Variants in TBC1D19 observed in about 807,000 individuals in gnomAD.
The protein encoded by TBC1D19 is TBC1 domain family member 19, also known as TBC1 domain family, member 19.
A neutral mutation model predicts 89.0 loss-of-function variants in TBC1D19; 60 were observed. The ratio of observed to expected loss-of-function variants is 0.67; its 90% CI spans 0.55 to 0.84. TBC1D19 has a LOEUF of 0.84. Among genes scored for constraint, TBC1D19 ranks in the 40% least tolerant of loss-of-function variants. The probability of loss-of-function intolerance (pLI) is 0.00; values close to 1 mark genes in which losing one functional copy is unlikely to be tolerated. For synonymous variants in TBC1D19, 189 were observed against 199.7 expected, an observed-to-expected ratio of 0.95 and a Z score of 0.45; for missense variants, 500 against 610.8, an observed-to-expected ratio of 0.82 and a Z score of 1.91.
intron 15 of TBC1D19, among the ~76,000 whole-genome samples, chr4:26,729,084 A>C (rs1717500876): frequency 6.6e-6 from 1 of 152,232 alleles, no homozygotes. Flanking sequence ...TTCAAGTCTC[A>C]CAATTTTTTT....
chr4:26,714,939 T>G (rs1459415911), intron 13 of TBC1D19, among the ~76,000 whole-genome samples: 1 of 151,936 alleles, frequency 6.6e-6, no homozygotes, highest in African/African-American at 2.4e-5. Flanking sequence ...GCTGGTTCCT[T>G]CTCTTTTCTC....
chr4:26,816,714 A>G, the TBC1D19 span, among the ~76,000 whole-genome samples: 1 of 152,204 alleles, frequency 6.6e-6, no homozygotes, highest in Admixed American at 6.5e-5. Context: ...GTGCAAAAAT[A>G]GCTGCAGTTT....
the TBC1D19 span, among the ~76,000 whole-genome samples, chr4:26,807,583 T>C: frequency 1.2e-4 from 19 of 152,314 alleles, no homozygotes; most frequent in African/African-American, 4.6e-4. Context: ...TATTTCCTAC[T>C]AGAACCGCCC....
chr4:26,768,801 A>G, the TBC1D19 span, among the ~76,000 whole-genome samples: 2 of 152,092 alleles, frequency 1.3e-5, no homozygotes, highest in East Asian at 3.8e-4. Flanking sequence ...TAAAAATAAA[A>G]TAATAAAAAG....
chr4:26,748,190 A>G (rs1422365436), intron 18 of TBC1D19, among the ~76,000 whole-genome samples: 1 of 152,230 alleles, frequency 6.6e-6, no homozygotes, highest in African/African-American at 2.4e-5. Flanking sequence ...AGGAGGACCC[A>G]GCATGTGTAA....
chr4:26,718,685 G>A (rs1321703636), intron 14 of TBC1D19, among the ~76,000 whole-genome samples: 1 of 152,056 alleles, frequency 6.6e-6, no homozygotes, highest in African/African-American at 2.4e-5. Context: ...CCTACCCTAG[G>A]AGAGGCCACA....
intron 13 of TBC1D19, among the ~76,000 whole-genome samples, chr4:26,697,643 C>G (rs1173948709): frequency 6.6e-6 from 1 of 152,174 alleles, no homozygotes; most frequent in East Asian, 1.9e-4. Context: ...TCCAGCAGCA[C>G]ATCAAAAAGT....
intron 11 of TBC1D19, among the ~76,000 whole-genome samples, chr4:26,676,167 T>TA (rs969299754): frequency 6.6e-6 from 1 of 152,204 alleles, no homozygotes; most frequent in African/African-American, 2.4e-5. Flanking sequence ...GGAAGGTTCT[T>TA]ACAACCTTAC....
At chr4:26,843,887 G>A in the TBC1D19 span, among the ~76,000 whole-genome samples, 5 of 152,150 alleles carry the variant, frequency 3.3e-5, no homozygotes, top group Non-Finnish European at 5.9e-5. Flanking sequence ...GAGGGAGCAA[G>A]AGAAAGAGAG....
At chr4:26,740,054 T>G (rs1718266786) in intron 17 of TBC1D19, 81 bp downstream of exon 17, 1 of 891,122 alleles carries the variant, frequency 1.1e-6, no homozygotes, top group Non-Finnish European at 1.6e-6. Flanking sequence ...AGTCTTCTAC[T>G]CAAATTCTAA....
chr4:26,760,408 C>CA (rs1229403207), downstream of TBC1D19, among the ~76,000 whole-genome samples: 1 of 151,650 alleles, frequency 6.6e-6, no homozygotes, highest in African/African-American at 2.4e-5. Context: ...ACAAAAAATA[C>CA]AAAAAAAATT....
intron 19 of TBC1D19, among the ~76,000 whole-genome samples, chr4:26,749,926 C>T (rs1259088860): frequency 6.6e-6 from 1 of 152,082 alleles, no homozygotes; most frequent in African/African-American, 2.4e-5. Flanking sequence ...AAATAATGGT[C>T]TGCCCTCATT....
intron 13 of TBC1D19, among the ~76,000 whole-genome samples, chr4:26,695,157 C>T (rs576706355): frequency 7.9e-5 from 12 of 152,150 alleles, no homozygotes; most frequent in African/African-American, 2.2e-4. Flanking sequence ...TAGAGAAGTA[C>T]GTAAGTGACC....
chr4:26,581,901 T>C (rs1352627965), upstream of TBC1D19, among the ~76,000 whole-genome samples: 1 of 152,114 alleles, frequency 6.6e-6, no homozygotes, highest in Non-Finnish European at 1.5e-5. Flanking sequence ...GACCATTCTG[T>C]AATTAAATTA....
At chr4:26,580,506 T>C (rs1179981175), upstream of TBC1D19, among the ~76,000 whole-genome samples, 2 of 152,162 alleles carry the variant, frequency 1.3e-5, no homozygotes, top group African/African-American at 4.8e-5. Context: ...TGCCAACAAA[T>C]GGGGCTAACT....
intron 4 of TBC1D19, among the ~76,000 whole-genome samples, chr4:26,626,320 C>T (rs932817418): frequency 8.5e-5 from 13 of 152,086 alleles, no homozygotes; most frequent in African/African-American, 1.2e-4. Context: ...TACTTTGCTA[C>T]GCCCTTCAGT....
intron 3 of TBC1D19, among the ~76,000 whole-genome samples, chr4:26,614,936 C>G (rs1367098845): frequency 6.6e-6 from 1 of 152,128 alleles, no homozygotes; most frequent in Non-Finnish European, 1.5e-5. Flanking sequence ...CATTGGCCCC[C>G]CAAAGTGCTG....
chr4:26,594,835 C>T (rs1304980645), intron 1 of TBC1D19, among the ~76,000 whole-genome samples: 2 of 152,232 alleles, frequency 1.3e-5, no homozygotes, highest in Non-Finnish European at 2.9e-5. Flanking sequence ...GCTACAACTG[C>T]ACTCCAGCCT....
At chr4:26,644,812 C>T (rs1221945736) in intron 7 of TBC1D19, among the ~76,000 whole-genome samples, 5 of 152,158 alleles carry the variant, frequency 3.3e-5, no homozygotes, top group Non-Finnish European at 7.4e-5. Context: ...TGAGTGAACT[C>T]CCATTTACAA....
Sources: allele counts gnomAD v4.1 joint callset (sites outside exome capture counted in the v4.1 genomes callset), GRCh38; gene constraint gnomAD v4.1.1; transcripts MANE v1.5; gene names NCBI Gene and HGNC (gene_info 2026-07-23, HGNC 2026-07-21).